The following ANK2 variants were observed in gnomAD, a reference collection of about 807,000 sequenced individuals.
ANK2 encodes ankyrin-2.
Under a neutral mutation model 360.5 loss-of-function variants are expected in ANK2, and 83 were observed. The ratio of observed to expected loss-of-function variants is 0.23; its 90% CI spans 0.19 to 0.28. ANK2 has a LOEUF of 0.28. ANK2 is among the 10% of genes least tolerant of loss of function. The pLI is 1.00. For synonymous variants in ANK2, 1,740 were observed against 1,759.5 expected (o/e 0.99, Z 0.28); for missense variants, 4,201 against 4,795.7 (o/e 0.88, Z 3.66).
intron 1 of ANK2, among the ~76,000 whole-genome samples, chr4:112,883,141 C>T (rs536826274): frequency 1.4e-5 from 2 of 143,158 alleles, no homozygotes; most frequent in African/African-American, 2.6e-5. Flanking sequence ...CTGGTTCAAG[C>T]GATTCTCCTG....
chr4:113,296,222 A>G (rs757407616), intron 22 of ANK2, among the ~76,000 whole-genome samples: 24 of 152,152 alleles, frequency 1.6e-4, no homozygotes, highest in Non-Finnish European at 2.9e-4. Flanking sequence ...AAAAAGAAAA[A>G]CCACTTAAAT....
At chr4:112,739,003 T>C in the ANK2 span, 1 of 654,596 alleles carries the variant, frequency 1.5e-6, no homozygotes. Context: ...CTGAGGTCGC[T>C]CACAAAAACC....
At position 113,364,182 on chromosome 4, in the gene ANK2, A is replaced by G. The variant is rs373760145; in HGVS notation, c.10888+713A>G. Reference sequence around the variant, plus strand: ...GCCATCACGCATTGGTTCCTCAAAAATTGAATAATTATCTTACTTATGTTT... The same window carrying G: ...GCCATCACGCATTGGTTCCTCAAAAGTTGAATAATTATCTTACTTATGTTT... On this transcript the variant is annotated intron_variant, in intron 40 of 45. Coordinates refer to ENST00000357077, the MANE Select transcript of ANK2 (RefSeq NM_001148.6). Among the ~76,000 whole-genome samples, 34 of 152,150 alleles carry G rather than the reference A, an allele frequency of 2.2e-4. 1 individual carries two copies. The highest frequency in any genetic ancestry group is 8.2e-4 in the African/African-American group (34 of 41,428).
Position 113,131,992 on chromosome 4 carries a change from G to A in ANK2, c.85-42424G>A, listed in dbSNP as rs78272470. Among the ~76,000 whole-genome samples the A allele has an allele frequency of 2.0e-4, 30 of 152,148 alleles. No homozygotes were observed. The East Asian group carries it at 4.6e-3, about 24-fold the overall frequency. On this transcript the variant is annotated intron_variant, in intron 1 of 45. Transcript: ENST00000357077. ...TTGAGCTGAATTATCATTTAATGCC[G>A]TAGACTGGATAGGTCAAGAGTTTGA...
the ANK2 span, among the ~76,000 whole-genome samples, chr4:112,787,054 C>A: frequency 3.9e-4 from 59 of 152,262 alleles, no homozygotes; most frequent in African/African-American, 1.3e-3. Flanking sequence ...TGGCCAAAAT[C>A]AAACATTTTT....
At chr4:113,318,164 T>C (rs1256154649) in intron 25 of ANK2, among the ~76,000 whole-genome samples, 1 of 152,246 alleles carries the variant, frequency 6.6e-6, no homozygotes, top group Non-Finnish European at 1.5e-5. Flanking sequence ...AAGTTATATC[T>C]TTCAATATTT....
chr4:113,014,848 C>CTT (rs530387481), intron 2 of ANK2, among the ~76,000 whole-genome samples: 1,029 of 70,334 alleles, frequency 0.015, 232 homozygotes, highest in Non-Finnish European at 0.019. Flanking sequence ...GATCATAGAG[C>CTT]TTTTTTTTTT....
intron 2 of ANK2, among the ~76,000 whole-genome samples, chr4:113,021,563 T>C (rs202199446): frequency 0.15 from 20,790 of 137,348 alleles, 3,192 homozygotes; most frequent in East Asian, 0.41. Flanking sequence ...TATATATATA[T>C]ATATATATAT....
chr4:113,002,378 A>G (rs2051072720), intron 2 of ANK2, among the ~76,000 whole-genome samples: 1 of 152,272 alleles, frequency 6.6e-6, no homozygotes, highest in Admixed American at 6.5e-5. Flanking sequence ...AATACTATGC[A>G]GCCATAAAAA....
chr4:112,808,881 A>G, the ANK2 span, among the ~76,000 whole-genome samples: 7 of 152,128 alleles, frequency 4.6e-5, no homozygotes, highest in African/African-American at 1.2e-4. Flanking sequence ...TTATTGAGAC[A>G]AATTCTTTCT....
At chr4:113,120,727 A>G (rs574630282) in intron 1 of ANK2, among the ~76,000 whole-genome samples, 1 of 152,184 alleles carries the variant, frequency 6.6e-6, no homozygotes, top group East Asian at 1.9e-4. Flanking sequence ...CCTGGTACCA[A>G]TTGGTGATTT....
the ANK2 span, among the ~76,000 whole-genome samples, chr4:112,785,415 C>G: frequency 6.6e-6 from 1 of 151,818 alleles, no homozygotes; most frequent in African/African-American, 2.4e-5. Context: ...GCTCTGTCAC[C>G]CAGGCTGGAG....
chr4:113,193,440 T>G (rs2098701945), intron 2 of ANK2, among the ~76,000 whole-genome samples: 1 of 152,218 alleles, frequency 6.6e-6, no homozygotes, highest in African/African-American at 2.4e-5. Flanking sequence ...ACCCTTGGTT[T>G]AGAGAAGCCG....
At chr4:112,959,564 A>ATAGG (rs1415756187) in intron 2 of ANK2, among the ~76,000 whole-genome samples, 4 of 152,214 alleles carry the variant, frequency 2.6e-5, no homozygotes, top group African/African-American at 9.6e-5. Context: ...CTCACATGTG[A>ATAGG]TAGGTAGGTA....
chr4:112,966,669 G>A (rs905476123), intron 2 of ANK2, among the ~76,000 whole-genome samples: 3 of 151,992 alleles, frequency 2.0e-5, no homozygotes, highest in Non-Finnish European at 4.4e-5. Flanking sequence ...AATTAAAGGT[G>A]TCTATATTTA....
intron 4 of ANK2, among the ~76,000 whole-genome samples, chr4:113,225,249 GC>G (rs1180605976): frequency 2.6e-5 from 4 of 152,030 alleles, no homozygotes; most frequent in African/African-American, 9.7e-5. Context: ...TAGTATTCCA[GC>G]AGCATTTTAT....
chr4:113,356,294 C>A lies in ANK2; in HGVS notation c.7676C>A (p.Thr2559Lys). Residue 2559 changes from threonine to lysine, a missense_variant, in exon 38 of 46, where the codon ACA (threonine) becomes AAA (lysine). This residue lies in a region of ANK2 where 2,642 missense variants were observed against 2,714.5 expected (regional missense o/e 0.97). Coordinates refer to ENST00000357077, the MANE Select transcript of ANK2 (RefSeq NM_001148.6). ...EVTPKTTDVS[T>K]PKPAVIHECA... ...ACACCCAAAACCACAGATGTAAGTACACCAAAACCAGCTGTGATTCATGAA... is the reference window on the plus strand; with the variant it reads ...ACACCCAAAACCACAGATGTAAGTAAACCAAAACCAGCTGTGATTCATGAA... 1 of 1,614,118 alleles carries A rather than the reference C, an allele frequency of 6.2e-7. No individual in the cohort carries two copies. The highest frequency in any genetic ancestry group is 8.5e-7 in the Non-Finnish European group (1 of 1,180,004).
intron 1 of ANK2, among the ~76,000 whole-genome samples, chr4:112,838,967 T>C (rs1249904891): frequency 1.3e-5 from 2 of 152,204 alleles, no homozygotes. Flanking sequence ...GCTTTAGTCT[T>C]CAACTTTCCC....
intron 2 of ANK2, among the ~76,000 whole-genome samples, chr4:112,989,089 T>C (rs56084423): frequency 0.19 from 28,993 of 152,222 alleles, 3,139 homozygotes; most frequent in East Asian, 0.38. Context: ...AATTCTACAC[T>C]TGATCTTAGC....
Sources: gnomAD v4.1 joint callset for allele counts (sites outside exome capture counted in the v4.1 genomes callset) on GRCh38, gnomAD v4.1.1 for gene constraint, gnomAD v4.1.1 regional missense constraint, MANE v1.5 for transcripts, NCBI Gene and HGNC (gene_info 2026-07-23, HGNC 2026-07-21) for gene names.